HMCN1: variants seen among roughly 807,000 people sequenced by gnomAD.
HMCN1 encodes hemicentin-1.
In HMCN1, 321 loss-of-function variants were observed where a neutral mutation model predicts 625.9. The observed-to-expected ratio is 0.51, with a 90% confidence interval of 0.47 to 0.56. HMCN1 has a LOEUF of 0.56. Ranked by LOEUF, HMCN1 falls within the 20% of genes least tolerant of loss-of-function variation. The probability of loss-of-function intolerance (pLI) is 0.00; values close to 1 mark genes in which losing one functional copy is unlikely to be tolerated. For missense variants in HMCN1, 6,588 were observed against 6,887.3 expected, an observed-to-expected ratio of 0.96 and a Z score of 1.54; for synonymous variants, 2,425 against 2,417.6, an observed-to-expected ratio of 1.00 and a Z score of -0.09.
chr1:186,183,625 T>C (rs1200509856), intron 105 of HMCN1, among the ~76,000 whole-genome samples: 1 of 152,184 alleles, frequency 6.6e-6, no homozygotes, highest in African/African-American at 2.4e-5. Context: ...GGCAATAATT[T>C]GCACCCATTC....
intron 55 of HMCN1, among the ~76,000 whole-genome samples, chr1:186,079,597 G>A (rs1299008553): frequency 1.3e-5 from 2 of 152,132 alleles, no homozygotes; most frequent in Non-Finnish European, 2.9e-5. Context: ...CCTATTCCTT[G>A]ACCAAACACA....
At chr1:185,997,606 T>C in intron 25 of HMCN1, 82 bp downstream of exon 25, 1 of 968,730 alleles carries the variant, frequency 1.0e-6, no homozygotes, top group Non-Finnish European at 1.7e-6. Flanking sequence ...TTGTCATCCT[T>C]ATAAAATTCC....
At chr1:186,152,634 C>A in intron 95 of HMCN1, 116 bp from the exon 96 acceptor site, 1 of 1,223,930 alleles carries the variant, frequency 8.2e-7, no homozygotes, top group Non-Finnish European at 1.2e-6. Flanking sequence ...ATCATCTATA[C>A]TTATTCAAGT....
At chr1:185,898,886 A>G (rs1289950844) in intron 4 of HMCN1, among the ~76,000 whole-genome samples, 1 of 107,234 alleles carries the variant, frequency 9.3e-6, no homozygotes, top group East Asian at 2.1e-4. Flanking sequence ...TCAGACAGCT[A>G]AAAAAAAAAA....
chr1:185,793,789 A>G (rs1658161716), intron 1 of HMCN1, among the ~76,000 whole-genome samples: 1 of 152,084 alleles, frequency 6.6e-6, no homozygotes, highest in African/African-American at 2.4e-5. Flanking sequence ...ATATGCCTCC[A>G]GGGAGATTCT....
At chr1:185,901,675 A>G (rs1314323045) in intron 4 of HMCN1, among the ~76,000 whole-genome samples, 1 of 151,786 alleles carries the variant, frequency 6.6e-6, no homozygotes, top group Non-Finnish European at 1.5e-5. Context: ...CTTTGCCTCC[A>G]GAAGCCAATG....
At chr1:186,063,501 GGAAGGAAGGA>G (rs1657910162) in intron 48 of HMCN1, among the ~76,000 whole-genome samples, 11 of 141,966 alleles carry the variant, frequency 7.7e-5, no homozygotes, top group Non-Finnish European at 1.7e-4. Context: ...AAGGAAGGAA[GGAAGGAAGGA>G]AGGGAGTCTT....
intron 30 of HMCN1, among the ~76,000 whole-genome samples, chr1:186,014,238 A>T (rs930969412): frequency 2.6e-5 from 4 of 151,906 alleles, no homozygotes; most frequent in Non-Finnish European, 5.9e-5. Flanking sequence ...TCTATCAAAT[A>T]TTCTATTCTA....
chr1:186,025,052 T>C (rs553940158), intron 36 of HMCN1, among the ~76,000 whole-genome samples: 149 of 152,290 alleles, frequency 9.8e-4, no homozygotes, highest in African/African-American at 3.4e-3. Flanking sequence ...AACTAGACGG[T>C]CCCATCTGGG....
chr1:186,068,336 A>G (rs1658256893), intron 50 of HMCN1, among the ~76,000 whole-genome samples: 1 of 152,222 alleles, frequency 6.6e-6, no homozygotes, highest in Admixed American at 6.5e-5. Context: ...TCCTGATTAA[A>G]TATTAACTCT....
chr1:186,051,667 G>C (rs574436604), intron 42 of HMCN1, among the ~76,000 whole-genome samples: 2 of 152,184 alleles, frequency 1.3e-5, no homozygotes, highest in South Asian at 4.1e-4. Flanking sequence ...GACTCATCCA[G>C]AGTAAGAGTA....
intron 100 of HMCN1, among the ~76,000 whole-genome samples, chr1:186,169,843 A>ACTAAAGAG (rs1652110442): frequency 6.6e-6 from 1 of 152,166 alleles, no homozygotes. Context: ...ATCTAATTAA[A>ACTAAAGAG]CTAAAGAGCT....
At chr1:185,909,829 C>G (rs192518754) in intron 5 of HMCN1, among the ~76,000 whole-genome samples, 2 of 152,056 alleles carry the variant, frequency 1.3e-5, no homozygotes, top group African/African-American at 4.8e-5. Context: ...CAGTAACTTA[C>G]TCTGTCAAAT....
At chr1:185,777,693 GC>G (rs2102162683) in intron 1 of HMCN1, among the ~76,000 whole-genome samples, 1 of 152,158 alleles carries the variant, frequency 6.6e-6, no homozygotes, top group East Asian at 1.9e-4. Context: ...CTGGTGATCC[GC>G]CCGCCTCAGC....
intron 6 of HMCN1, among the ~76,000 whole-genome samples, chr1:185,919,383 A>G (rs905188983): frequency 1.3e-5 from 2 of 152,092 alleles, no homozygotes; most frequent in Non-Finnish European, 2.9e-5. Flanking sequence ...ACCTTTTTGT[A>G]CTTTGATGCA....
chr1:185,961,542 T>C (rs1335213050), intron 11 of HMCN1, among the ~76,000 whole-genome samples: 7 of 152,212 alleles, frequency 4.6e-5, no homozygotes, highest in Non-Finnish European at 1.0e-4. Flanking sequence ...TGGAAATTAA[T>C]TTACTTTTGT....
At chr1:185,977,128 T>C (rs1651271895) in intron 15 of HMCN1, among the ~76,000 whole-genome samples, 1 of 152,152 alleles carries the variant, frequency 6.6e-6, no homozygotes, top group Non-Finnish European at 1.5e-5. Flanking sequence ...TTATAGTTTC[T>C]GAATCATTTC....
intron 97 of HMCN1, among the ~76,000 whole-genome samples, chr1:186,154,946 C>T (rs781565760): frequency 7.9e-5 from 12 of 152,092 alleles, no homozygotes; most frequent in Non-Finnish European, 1.8e-4. Flanking sequence ...TGGGATGATT[C>T]TTGCATGTAG....
chr1:185,777,915 T>C (rs924712230), intron 1 of HMCN1, among the ~76,000 whole-genome samples: 24 of 152,230 alleles, frequency 1.6e-4, no homozygotes, highest in African/African-American at 5.5e-4. Flanking sequence ...CAATATGCTT[T>C]TCTTGTCCTG....
Sources: allele counts gnomAD v4.1 joint callset (sites outside exome capture counted in the v4.1 genomes callset), GRCh38; gene constraint gnomAD v4.1.1; transcripts MANE v1.5; gene names NCBI Gene and HGNC (gene_info 2026-07-23, HGNC 2026-07-21).